TLE2: variants seen among roughly 807,000 people sequenced by gnomAD.
TLE2 encodes the protein TLE family member 2, transcriptional corepressor.
A neutral mutation model predicts 97.2 loss-of-function variants in TLE2; 74 were observed. That is an observed-to-expected ratio of 0.76 (90% CI 0.63 to 0.92). TLE2 has a LOEUF of 0.92. Among genes scored for constraint, TLE2 ranks in the 40% least tolerant of loss-of-function variants. The pLI, the probability that TLE2 is intolerant of heterozygous loss-of-function variation, is 0.00. For synonymous variants in TLE2, 499 were observed against 432.1 expected, an observed-to-expected ratio of 1.15 and a Z score of -1.92; for missense variants, 1,038 against 1,008.7, an observed-to-expected ratio of 1.03 and a Z score of -0.39.
Position 3,038,286 on chromosome 19 carries a change from C to A in TLE2, c.63+7440G>T, listed in dbSNP as rs779525034. Among the ~76,000 whole-genome samples the A allele has an allele frequency of 3.9e-4, 60 of 152,322 alleles. 1 individual carries two copies. Among genetic ancestry groups the A allele is most frequent in the Non-Finnish European group, 6.9e-4 (47 of 68,026 alleles). ...GCAGTGCCACCGTCATAGCTCACTG[C>A]AGCCTTGACCTCGCTGGGCTCAAGC... On this transcript the variant is annotated intron_variant, in intron 1 of 18. Transcript: ENST00000426948.
At chr19:3,017,012 A>G (rs2089721948) in intron 8 of TLE2, among the ~76,000 whole-genome samples, 2 of 120,706 alleles carry the variant, frequency 1.7e-5, no homozygotes, top group African/African-American at 4.5e-5. Flanking sequence ...TCCTGACCTC[A>G]AGTGATCCAC....
rs1403346604 is a variant in TLE2, at chr19:3,041,442, G to A, written c.63+4284C>T. On this transcript the variant is annotated intron_variant, in intron 1 of 18. Transcript: ENST00000426948. ...AGTGCCGCCTCCAGGCTTCGCCACC[G>A]GGATTCCCTCTGCCTGGAGCACCCG... Among the ~76,000 whole-genome samples the A allele has an allele frequency of 2.6e-5, 4 of 152,082 alleles. No individual in the cohort carries two copies. The East Asian group carries it at 5.8e-4, about 22-fold the overall frequency.
At chr19:3,018,005 T>G in intron 7 of TLE2, 146 bp from the exon 8 acceptor site, 1 of 632,866 alleles carries the variant, frequency 1.6e-6, no homozygotes, top group Non-Finnish European at 2.7e-6. Flanking sequence ...TCCAACACCC[T>G]TGCAAGTGGT....
chr19:3,013,976 T>A (rs993150652), intron 10 of TLE2, among the ~76,000 whole-genome samples, 158 bp from the exon 11 acceptor site: 1 of 142,778 alleles, frequency 7.0e-6, no homozygotes, highest in Admixed American at 7.4e-5. Context: ...AGTTTACTCA[T>A]CTGTAAAATG....
At chr19:3,005,161 A>G (rs1234916207) in intron 17 of TLE2, among the ~76,000 whole-genome samples, 1 of 152,128 alleles carries the variant, frequency 6.6e-6, no homozygotes, top group Non-Finnish European at 1.5e-5. Context: ...AAAGGCACAT[A>G]TAAGGGTATG....
At chr19:3,042,230 A>AGAGGAGGGGAGAG (rs1406707875) in intron 1 of TLE2, among the ~76,000 whole-genome samples, 6 of 103,170 alleles carry the variant, frequency 5.8e-5, no homozygotes, top group East Asian at 3.4e-4. Flanking sequence ...AGGGGAGGGG[A>AGAGGAGGGGAGAG]GAGGAGGGGA....
At position 3,005,459 on chromosome 19, in the gene TLE2, T is replaced by C; in HGVS notation, c.1874A>G (p.Gln625Arg). 6 of 1,613,854 alleles carry C rather than the reference T, an allele frequency of 3.7e-6. No homozygotes were observed. Among genetic ancestry groups the C allele is most frequent in the Non-Finnish European group, 5.1e-6 (6 of 1,179,808 alleles). Residue 625 changes from glutamine (Q) to arginine (R), a missense_variant, in exon 17 of 20, where the codon CAG (glutamine) becomes CGG (arginine). Transcript: ENST00000262953. Reference sequence around the variant, plus strand: ...CACCTGGGAGCTGAAGTCATGCTGCTGCAGCTGGCGGCCCTCCCGCAGGTC... The same window carrying C: ...CACCTGGGAGCTGAAGTCATGCTGCCGCAGCTGGCGGCCCTCCCGCAGGTC... ...CWDLREGRQL[Q>R]QHDFSSQIFS...
At chr19:3,041,252 C>T (rs2090101371) in intron 1 of TLE2, among the ~76,000 whole-genome samples, 1 of 151,594 alleles carries the variant, frequency 6.6e-6, no homozygotes, top group African/African-American at 2.4e-5. Flanking sequence ...GTCTTGAACT[C>T]TTGACCTCAA....
chr19:3,032,123 G>A (rs974722293), upstream of TLE2, among the ~76,000 whole-genome samples: 3 of 152,008 alleles, frequency 2.0e-5, no homozygotes, highest in South Asian at 4.2e-4. The surrounding 1 kb of genome is among the most constrained non-coding windows in gnomAD (Gnocchi z 4.1). Context: ...TAGTAGAGAC[G>A]GATTCACCAT....
intron 1 of TLE2, among the ~76,000 whole-genome samples, chr19:3,042,792 T>C (rs953569402): frequency 6.6e-6 from 1 of 152,104 alleles, no homozygotes; most frequent in Admixed American, 6.5e-5. Flanking sequence ...CAGTACTAGC[T>C]CGGAAGTCGG....
chr19:3,006,268 G>A, intron 15 of TLE2, 152 bp downstream of exon 15: 3 of 1,299,508 alleles, frequency 2.3e-6, no homozygotes, highest in Non-Finnish European at 3.3e-6. Flanking sequence ...TGCAAGCCTT[G>A]TCCCATGCGA....
upstream of TLE2, among the ~76,000 whole-genome samples, chr19:3,030,806 G>C (rs1272593084): frequency 6.6e-6 from 1 of 151,868 alleles, no homozygotes; most frequent in Admixed American, 6.6e-5. Flanking sequence ...AAAATAATTA[G>C]CCAGGCATGG....
At chr19:3,001,750 C>T (rs2089364994) in intron 18 of TLE2, among the ~76,000 whole-genome samples, 1 of 150,752 alleles carries the variant, frequency 6.6e-6, no homozygotes, top group Non-Finnish European at 1.5e-5. Context: ...GCTGAAACTA[C>T]ACACATCAGC....
At chr19:3,026,006 G>T (rs570885953) in intron 4 of TLE2, among the ~76,000 whole-genome samples, 1 of 152,058 alleles carries the variant, frequency 6.6e-6, no homozygotes, top group East Asian at 1.9e-4. Context: ...CCAATACAAG[G>T]TTCTGCTCAT....
chr19:3,026,455 TAAAAAAAAA>T (rs34783402), intron 4 of TLE2, among the ~76,000 whole-genome samples: 1 of 111,320 alleles, frequency 9.0e-6, no homozygotes, highest in Non-Finnish European at 1.9e-5. Context: ...TCTCAAAATT[TAAAAAAAAA>T]AAAAAAAAAA....
Position 2,997,772 on chromosome 19 carries a change from G to T in TLE2, c.*76C>A. The T allele has an allele frequency of 9.2e-7, 1 of 1,082,386 alleles. No homozygotes were observed. The highest frequency in any genetic ancestry group is 1.4e-6 in the Non-Finnish European group (1 of 721,060). The allele number at this position is 1,082,386 out of a possible 1,614,324, so 67.0% of individuals were successfully genotyped here. On this transcript the variant is annotated 3_prime_UTR_variant, in exon 20 of 20. Coordinates refer to ENST00000262953, the MANE Select transcript of TLE2 (RefSeq NM_003260.5). ...CGGTTCCTAGGCAGGGCTGGGAGGCGGCTGCTAGGATGTCTGTCCTGGCTG... is the reference window on the plus strand; with the variant it reads ...CGGTTCCTAGGCAGGGCTGGGAGGCTGCTGCTAGGATGTCTGTCCTGGCTG...
chr19:2,999,041 G>A (rs935547596), intron 19 of TLE2, among the ~76,000 whole-genome samples: 3 of 152,104 alleles, frequency 2.0e-5, no homozygotes, highest in South Asian at 2.1e-4. Context: ...CGGCGCTTCC[G>A]GAGGCCGAGG....
intron 1 of TLE2, among the ~76,000 whole-genome samples, chr19:3,041,993 C>T (rs955216831): frequency 2.6e-5 from 4 of 151,888 alleles, no homozygotes; most frequent in African/African-American, 9.7e-5. Flanking sequence ...CGCGGTGCTG[C>T]GGGGGAACCC....
At chr19:3,015,952 T>C in intron 8 of TLE2, 192 bp from the exon 9 acceptor site, 1 of 660,990 alleles carries the variant, frequency 1.5e-6, no homozygotes, top group South Asian at 1.5e-5. Context: ...TTTTGTTTTG[T>C]TTTTGACGGA....
Sources: allele counts gnomAD v4.1 joint callset (sites outside exome capture counted in the v4.1 genomes callset), GRCh38; gene constraint gnomAD v4.1.1; non-coding constraint Gnocchi (gnomAD v3.1); transcripts MANE v1.5; gene names NCBI Gene and HGNC (gene_info 2026-07-23, HGNC 2026-07-21).